Variants in XKR6 observed in about 807,000 individuals in gnomAD.
XKR6 encodes XK-related protein 6.
Under a neutral mutation model 56.7 loss-of-function variants are expected in XKR6, and 22 were observed. The observed-to-expected ratio is 0.39, with a 90% CI of 0.28 to 0.55. The LOEUF (loss-of-function observed/expected upper bound fraction) is 0.55. Among genes scored for constraint, XKR6 ranks in the 20% least tolerant of loss-of-function variants. The pLI is 0.66. For missense variants in XKR6, 852 were observed against 889.0 expected (o/e 0.96, Z 0.53); for synonymous variants, 524 against 387.8 (o/e 1.35, Z -4.13).
Position 10,948,266 on chromosome 8 carries a change from T to C in XKR6, c.765-23436A>G, listed in dbSNP as rs556383346. On this transcript the variant is annotated intron_variant, in intron 1 of 2. Coordinates refer to ENST00000416569, the MANE Select transcript of XKR6 (RefSeq NM_173683.4). ...GCACTGGGATTTGGGCTCAGGTCCGTCCCCATCCAGCAGATGGACCCTCTC... is the reference window on the plus strand; with the variant it reads ...GCACTGGGATTTGGGCTCAGGTCCGCCCCCATCCAGCAGATGGACCCTCTC... 1.2e-3 allele frequency among the ~76,000 whole-genome samples: 186 copies of C among 152,252 alleles called. 1 individual carries two copies. Among genetic ancestry groups the C allele is most frequent in the African/African-American group, 4.3e-3 (179 of 41,552 alleles).
intron 1 of XKR6, among the ~76,000 whole-genome samples, chr8:11,090,517 T>C (rs1450436523): frequency 6.6e-6 from 1 of 152,140 alleles, no homozygotes; most frequent in Non-Finnish European, 1.5e-5. Context: ...AGTAAACCAG[T>C]TTACATATTC....
intron 1 of XKR6, among the ~76,000 whole-genome samples, chr8:11,112,232 A>T (rs764708861): frequency 6.6e-6 from 1 of 152,232 alleles, no homozygotes; most frequent in Non-Finnish European, 1.5e-5. Context: ...ACAGACATTC[A>T]GATGCATAAC....
intron 1 of XKR6, among the ~76,000 whole-genome samples, chr8:11,006,042 C>A (rs1269520434): frequency 6.6e-6 from 1 of 152,160 alleles, no homozygotes; most frequent in South Asian, 2.1e-4. Flanking sequence ...CGGGGTTTCA[C>A]CATGGTGGCC....
chr8:11,183,042 G>T (rs1191218991), intron 1 of XKR6, among the ~76,000 whole-genome samples: 2 of 152,162 alleles, frequency 1.3e-5, no homozygotes, highest in Non-Finnish European at 2.9e-5. Flanking sequence ...GCATGTGTTA[G>T]AATTGCCTTT....
chr8:11,072,450 G>T (rs1800157163), intron 1 of XKR6, among the ~76,000 whole-genome samples: 1 of 152,106 alleles, frequency 6.6e-6, no homozygotes, highest in Non-Finnish European at 1.5e-5. Context: ...AGGTCTGTTG[G>T]AGAGGCAGCA....
intron 1 of XKR6, among the ~76,000 whole-genome samples, chr8:11,090,403 TG>T (rs1034356629): frequency 1.4e-4 from 15 of 108,786 alleles, no homozygotes; most frequent in Admixed American, 2.3e-4. Context: ...CGCTTTTTAA[TG>T]GTTTTTTTTT....
At chr8:11,034,189 GA>G (rs1373893371) in intron 1 of XKR6, among the ~76,000 whole-genome samples, 1 of 152,236 alleles carries the variant, frequency 6.6e-6, no homozygotes, top group Non-Finnish European at 1.5e-5. Flanking sequence ...ACAAGGGGAA[GA>G]GAGAGAAGCT....
At chr8:11,189,492 C>G (rs540257217) in intron 1 of XKR6, among the ~76,000 whole-genome samples, 2 of 152,196 alleles carry the variant, frequency 1.3e-5, no homozygotes, top group African/African-American at 4.8e-5. Flanking sequence ...GCTAAAAGGT[C>G]CATTCAGATT....
intron 1 of XKR6, among the ~76,000 whole-genome samples, chr8:10,969,228 C>G (rs1195195752): frequency 6.6e-6 from 1 of 152,144 alleles, no homozygotes; most frequent in Non-Finnish European, 1.5e-5. Context: ...TTGAGAAACT[C>G]CAACTTAGAT....
chr8:11,198,828 A>G (rs1203047645), intron 1 of XKR6, among the ~76,000 whole-genome samples: 3 of 152,014 alleles, frequency 2.0e-5, no homozygotes, highest in East Asian at 3.9e-4. Context: ...TTCTACTGGT[A>G]TGTTAAAATC....
intron 1 of XKR6, chr8:11,126,010 G>A (rs1455031403): frequency 6.6e-6 from 1 of 151,688 alleles, no homozygotes; most frequent in Non-Finnish European, 1.5e-5. Flanking sequence ...CACCAAGTAA[G>A]TCTGCTCTTC....
chr8:11,168,659 T>C (rs920728965), intron 1 of XKR6, among the ~76,000 whole-genome samples: 1 of 152,164 alleles, frequency 6.6e-6, no homozygotes, highest in African/African-American at 2.4e-5. Flanking sequence ...CAAGTCTCAA[T>C]GAATTTAAAA....
rs181138501 is a variant in XKR6 at position 11,004,265 on chromosome 8, A to T, written c.765-79435T>A. Among the ~76,000 whole-genome samples, 390 of 152,270 alleles carry T rather than the reference A, an allele frequency of 2.6e-3. 2 individuals carry two copies. The highest frequency in any genetic ancestry group is 9.1e-3 in the African/African-American group (377 of 41,548). On this transcript the variant is annotated intron_variant, in intron 1 of 2. Transcript: ENST00000416569. ...GAGGCAGGTGGATCATGAGGTCAGG[A>T]GTTCGAGACCAGCCTGACAAACATG...
intron 1 of XKR6, among the ~76,000 whole-genome samples, chr8:11,187,629 G>T (rs1803343879): frequency 1.3e-5 from 2 of 152,084 alleles, no homozygotes; most frequent in African/African-American, 2.4e-5. Flanking sequence ...CAACAAAAAA[G>T]AAAACAACCC....
At chr8:10,912,152 A>G (rs1030268309) in intron 2 of XKR6, among the ~76,000 whole-genome samples, 3 of 147,876 alleles carry the variant, frequency 2.0e-5, no homozygotes, top group African/African-American at 7.6e-5. Flanking sequence ...ATATATAGAG[A>G]GAGTATATGT....
intron 1 of XKR6, among the ~76,000 whole-genome samples, chr8:11,189,613 A>G (rs1324933626): frequency 2.0e-5 from 3 of 152,182 alleles, no homozygotes; most frequent in Non-Finnish European, 2.9e-5. Flanking sequence ...ACAAAAAACA[A>G]ATTCCCAAGC....
chr8:11,021,251 A>C (rs1402639554), intron 1 of XKR6, among the ~76,000 whole-genome samples: 1 of 152,032 alleles, frequency 6.6e-6, no homozygotes, highest in Non-Finnish European at 1.5e-5. Context: ...GTTATACAGA[A>C]CCCTGTCTTC....
chr8:11,107,395 C>G (rs890106815), intron 1 of XKR6, among the ~76,000 whole-genome samples: 1 of 151,934 alleles, frequency 6.6e-6, no homozygotes, highest in Non-Finnish European at 1.5e-5. Context: ...GAGACAGGGT[C>G]CTGCTATGTT....
chr8:11,031,346 C>T (rs1263404585), intron 1 of XKR6, among the ~76,000 whole-genome samples: 1 of 152,248 alleles, frequency 6.6e-6, no homozygotes, highest in Admixed American at 6.5e-5. Flanking sequence ...GAGATCTCTC[C>T]TTGGGGCTTA....
Sources: allele counts gnomAD v4.1 joint callset (sites outside exome capture counted in the v4.1 genomes callset), GRCh38; gene constraint gnomAD v4.1.1; transcripts MANE v1.5; gene names NCBI Gene and HGNC (gene_info 2026-07-23, HGNC 2026-07-21).